Variants in SS18 observed in about 807,000 individuals in gnomAD.
The protein encoded by SS18 is protein SSXT.
SS18 carries 28 observed loss-of-function variants against 72.5 expected under a neutral mutation model. That is an observed-to-expected ratio of 0.39 (90% CI 0.29 to 0.53). The LOEUF is 0.53. Among genes scored for constraint, SS18 ranks in the 20% least tolerant of loss-of-function variants. SS18 has a pLI of 0.76. For synonymous variants in SS18, 172 were observed against 164.2 expected, an observed-to-expected ratio of 1.05 and a Z score of -0.37; for missense variants, 518 against 535.3, an observed-to-expected ratio of 0.97 and a Z score of 0.32.
At chr18:26,079,138 A>G (rs1309843563) in intron 2 of SS18, 1 of 152,254 alleles carries the variant, frequency 6.6e-6, no homozygotes, top group East Asian at 1.9e-4. Context: ...ACAGAAAAAA[A>G]GAGATATGCT....
intron 3 of SS18, among the ~76,000 whole-genome samples, chr18:26,058,828 ATAT>A (rs1373118610): frequency 3.9e-5 from 6 of 152,214 alleles, no homozygotes; most frequent in Admixed American, 2.6e-4. Context: ...TTAAATTCTC[ATAT>A]TATTTCTCCA....
intron 3 of SS18, among the ~76,000 whole-genome samples, chr18:26,063,101 G>C (rs2054152315): frequency 6.6e-6 from 1 of 152,182 alleles, no homozygotes; most frequent in Non-Finnish European, 1.5e-5. Context: ...TGACTGAACT[G>C]AATCACATAC....
chr18:26,025,192 T>C (rs1324616162), intron 10 of SS18, among the ~76,000 whole-genome samples: 1 of 152,152 alleles, frequency 6.6e-6, no homozygotes, highest in African/African-American at 2.4e-5. Context: ...AACCAGGATG[T>C]ATTTTGAACT....
intron 3 of SS18, among the ~76,000 whole-genome samples, chr18:26,070,047 G>A (rs943339528): frequency 6.6e-6 from 1 of 151,952 alleles, no homozygotes; most frequent in African/African-American, 2.4e-5. Context: ...TGACCTATTG[G>A]GTACAGTGTT....
chr18:26,045,089 A>G (rs2053797324), intron 5 of SS18, among the ~76,000 whole-genome samples: 2 of 152,346 alleles, frequency 1.3e-5, no homozygotes, highest in Middle Eastern at 3.4e-3. Context: ...CATAGCTATC[A>G]TACTATTTAA....
intron 5 of SS18, among the ~76,000 whole-genome samples, chr18:26,052,249 A>G (rs1368188897): frequency 6.6e-6 from 1 of 152,262 alleles, no homozygotes. Flanking sequence ...GAAAACATCC[A>G]TATAAATCAA....
rs1448053998 is a variant in SS18, at chr18:26,018,352, T to C, written c.*2A>G. ...ACTGGCTACTGGAATGTAAGTACTT[T>C]TTCACTGCTGGTAATTTCCATACTG... is the stretch of plus-strand genomic sequence containing the variant. On this transcript the variant is annotated 3_prime_UTR_variant, in exon 11 of 11. Coordinates refer to ENST00000415083, the MANE Select transcript of SS18 (RefSeq NM_001007559.3). 6.2e-7 allele frequency: 1 copy of C among 1,601,290 alleles called. No individual in the cohort carries two copies. Among genetic ancestry groups the C allele is most frequent in the Admixed American group, 1.7e-5 (1 of 59,966 alleles).
intron 3 of SS18, among the ~76,000 whole-genome samples, chr18:26,058,562 C>T (rs1476062133): frequency 2.0e-5 from 3 of 152,180 alleles, no homozygotes; most frequent in Non-Finnish European, 4.4e-5. Flanking sequence ...CCTGTATTAT[C>T]AGTTGTTCTC....
intron 7 of SS18, among the ~76,000 whole-genome samples, chr18:26,037,227 A>T (rs1316154518): frequency 1.3e-5 from 2 of 152,158 alleles, no homozygotes; most frequent in East Asian, 3.8e-4. Flanking sequence ...TGATATTTAC[A>T]AAATAACAAA....
chr18:26,042,258 C>T (rs193274541), intron 5 of SS18, among the ~76,000 whole-genome samples: 236 of 152,184 alleles, frequency 1.6e-3, no homozygotes, highest in Non-Finnish European at 2.7e-3. Context: ...TAAAATGCAT[C>T]TTCTACAACC....
At chr18:26,048,526 A>C (rs1661036326) in intron 5 of SS18, among the ~76,000 whole-genome samples, 1 of 152,236 alleles carries the variant, frequency 6.6e-6, no homozygotes, top group East Asian at 1.9e-4. Context: ...CTTTTCGTCT[A>C]TCTCTTAATA....
intron 5 of SS18, among the ~76,000 whole-genome samples, chr18:26,042,089 T>C (rs1274045085): frequency 6.6e-6 from 1 of 152,182 alleles, no homozygotes; most frequent in Non-Finnish European, 1.5e-5. Flanking sequence ...TTCTGATTGT[T>C]TAGGAAGTAT....
chr18:26,080,462 T>C (rs1568031554), intron 2 of SS18: 1 of 765,094 alleles, frequency 1.3e-6, no homozygotes, highest in Non-Finnish European at 1.6e-6. Flanking sequence ...GATTAGTACT[T>C]GACAAAGCCA....
At chr18:26,024,836 T>A (rs1027146652) in intron 10 of SS18, among the ~76,000 whole-genome samples, 1 of 151,928 alleles carries the variant, frequency 6.6e-6, no homozygotes, top group African/African-American at 2.4e-5. Context: ...ACTAAACATG[T>A]CAAAAACCCC....
chr18:26,059,621 G>C (rs1214429615), intron 3 of SS18, among the ~76,000 whole-genome samples: 5 of 152,210 alleles, frequency 3.3e-5, no homozygotes, highest in Non-Finnish European at 7.3e-5. Context: ...AGAAGGGCCA[G>C]CTACTCCTTA....
Position 26,035,311 on chromosome 18 carries a change from T to A in SS18, c.974-184A>T. ...GGATTTCGGCCAAACAAACTGCAGT[T>A]AAAGCCAATTTTGCAAGGTTGAACT... On this transcript the variant is annotated intron_variant, in intron 8 of 10. Transcript: ENST00000415083. This position sits in a 1 kb window ranked among gnomAD's most constrained non-coding sequence, Gnocchi z 4.4. 1 of 676,798 alleles carries A rather than the reference T, an allele frequency of 1.5e-6. No homozygotes were observed. The highest frequency in any genetic ancestry group is 2.3e-6 in the Non-Finnish European group (1 of 432,070). 41.9% of individuals were successfully genotyped at this position (676,798 alleles called of 1,614,324 possible).
intron 10 of SS18, among the ~76,000 whole-genome samples, chr18:26,020,291 C>T (rs1269914608): frequency 6.6e-6 from 1 of 152,100 alleles, no homozygotes; most frequent in Non-Finnish European, 1.5e-5. Context: ...TTAATGGCTA[C>T]ATTAATTCCT....
intron 3 of SS18, among the ~76,000 whole-genome samples, chr18:26,069,943 T>C (rs1435615967): frequency 2.0e-5 from 3 of 152,212 alleles, no homozygotes; most frequent in Non-Finnish European, 4.4e-5. Flanking sequence ...CAAAGTATGT[T>C]TGAGAAGGAA....
intron 3 of SS18, among the ~76,000 whole-genome samples, chr18:26,071,723 G>C (rs947648010): frequency 4.9e-4 from 74 of 152,238 alleles, no homozygotes; most frequent in African/African-American, 1.7e-3. Flanking sequence ...AGCTTCTCAG[G>C]AGGCTATGGC....
Sources: gnomAD v4.1 joint callset for allele counts (sites outside exome capture counted in the v4.1 genomes callset) on GRCh38, gnomAD v4.1.1 for gene constraint, Gnocchi (gnomAD v3.1) non-coding constraint, MANE v1.5 for transcripts, NCBI Gene and HGNC (gene_info 2026-07-23, HGNC 2026-07-21) for gene names.